Variants in TAPT1 observed in about 807,000 individuals in gnomAD.
TAPT1 encodes transmembrane anterior posterior transformation protein 1 homolog.
A neutral mutation model predicts 65.6 loss-of-function variants in TAPT1; 28 were observed. The observed-to-expected ratio is 0.43, with a 90% CI of 0.32 to 0.59. The LOEUF (loss-of-function observed/expected upper bound fraction) is 0.59, where lower values mean the gene tolerates loss of function less well. Among genes scored for constraint, TAPT1 ranks in the 20% least tolerant of loss-of-function variants. TAPT1 has a pLI of 0.09. For synonymous variants in TAPT1, 278 were observed against 245.2 expected (o/e 1.13, Z -1.25); for missense variants, 563 against 679.9 (o/e 0.83, Z 1.91).
chr4:16,174,031 A>G (rs953770567), intron 11 of TAPT1, among the ~76,000 whole-genome samples, 173 bp downstream of exon 11: 2 of 152,238 alleles, frequency 1.3e-5, no homozygotes, highest in Non-Finnish European at 1.5e-5. Flanking sequence ...CAACCAATAG[A>G]TATTTGGATA....
chr4:16,162,741 T>A lies in TAPT1; in HGVS notation c.*567A>T, dbSNP rs1015908477. On this transcript the variant is annotated 3_prime_UTR_variant, in exon 14 of 14. Transcript: ENST00000405303. ...CCCTACAAAATGCTACTATTCATCA[T>A]GTCTTATTTAAGGTAGCCTTTTATT... The A allele has an allele frequency of 2.9e-5, 5 of 172,610 alleles. No individual in the cohort carries two copies. The highest frequency in any genetic ancestry group is 1.2e-4 in the African/African-American group (5 of 41,818). The allele number at this position is 172,610 out of a possible 1,614,324, so 10.7% of individuals were successfully genotyped here. A position where few individuals can be genotyped will look rare whatever the true frequency, so the allele number is the denominator to read the frequency against.
At position 16,173,532 on chromosome 4, in the gene TAPT1, C is replaced by A. The variant is rs574060300; in HGVS notation, c.1236+672G>T. On this transcript the variant is annotated intron_variant, in intron 11 of 13. Coordinates refer to ENST00000405303, the MANE Select transcript of TAPT1 (RefSeq NM_153365.3). The stretch of plus-strand genomic sequence containing the variant: ...CTCCCAGGTTCACGCCATTCTCCTG[C>A]CTCAGCCTCCCGAGTAAAAAAAAAA... Among the ~76,000 whole-genome samples, 18 of 151,946 alleles carry A rather than the reference C, an allele frequency of 1.2e-4. 1 individual carries two copies. The East Asian group carries it at 3.3e-3, about 28-fold the overall frequency.
At chr4:16,224,951 A>G (rs1457498589) in intron 1 of TAPT1, among the ~76,000 whole-genome samples, 1 of 152,268 alleles carries the variant, frequency 6.6e-6, no homozygotes, top group Admixed American at 6.5e-5. Context: ...GCCTGGCTAC[A>G]TCTATCTCTA....
At chr4:16,166,991 C>A in intron 12 of TAPT1, 198 bp from the exon 13 acceptor site, 2 of 159,570 alleles carry the variant, frequency 1.3e-5, no homozygotes, top group African/African-American at 3.9e-5. Context: ...CCTTAGTTCT[C>A]TTTTTTTTTT....
chr4:16,220,552 C>T (rs1443626885), intron 1 of TAPT1, among the ~76,000 whole-genome samples: 1 of 151,918 alleles, frequency 6.6e-6, no homozygotes, highest in East Asian at 1.9e-4. Context: ...AGATGGAGAC[C>T]ATCCTGGCCA....
intron 9 of TAPT1, 54 bp from the exon 10 acceptor site, chr4:16,174,783 G>A: frequency 4.9e-6 from 6 of 1,228,298 alleles, no homozygotes; most frequent in Non-Finnish European, 6.7e-6. Flanking sequence ...TATATAATGT[G>A]GAAAGACTGC....
At chr4:16,204,674 G>A (rs75394324) in intron 2 of TAPT1, among the ~76,000 whole-genome samples, 8,045 of 152,312 alleles carry the variant, frequency 0.053, 238 homozygotes, top group Middle Eastern at 0.14. Context: ...CAGGTGCTGG[G>A]CTTGGGCCCT....
At chr4:16,226,000 C>T (rs1349618472) in intron 1 of TAPT1, 6 of 999,292 alleles carry the variant, frequency 6.0e-6, no homozygotes, top group Non-Finnish European at 6.0e-6. Context: ...ACTTTCCCGG[C>T]CGCAGACCCC....
intron 5 of TAPT1, among the ~76,000 whole-genome samples, chr4:16,187,603 A>G (rs1236899964): frequency 1.4e-5 from 2 of 146,858 alleles, no homozygotes; most frequent in Non-Finnish European, 3.0e-5. Flanking sequence ...ACAGAGATAG[A>G]AAAAAAAAAA....
chr4:16,185,136 T>C (rs1281669286), intron 7 of TAPT1, among the ~76,000 whole-genome samples: 2 of 152,030 alleles, frequency 1.3e-5, no homozygotes. Context: ...TTAATTTTCT[T>C]GGGCAGGGAA....
intron 1 of TAPT1, among the ~76,000 whole-genome samples, chr4:16,215,786 G>C (rs1422141260): frequency 6.6e-6 from 1 of 152,196 alleles, no homozygotes; most frequent in Non-Finnish European, 1.5e-5. Flanking sequence ...ACATAGAGTA[G>C]AACTTCTGGT....
rs1459354542 is a variant in TAPT1, at chr4:16,162,431, T to G, written c.*877A>C. 1 of 152,772 alleles carries G rather than the reference T, an allele frequency of 6.5e-6. No homozygotes were observed. Among genetic ancestry groups the G allele is most frequent in the South Asian group, 2.1e-4 (1 of 4,836 alleles). 9.5% of individuals were successfully genotyped at this position (152,772 alleles called of 1,614,324 possible). ...TTGAATTTTGTACATTGACAATTTT[T>G]CAGCCTGTTCAACATCGAATCCTTT... On this transcript the variant is annotated 3_prime_UTR_variant, in exon 14 of 14. Transcript: ENST00000405303.
chr4:16,188,392 A>T (rs754807051), intron 4 of TAPT1, 37 bp from the exon 5 acceptor site: 1 of 1,459,766 alleles, frequency 6.9e-7, no homozygotes, highest in South Asian at 1.4e-5. Context: ...GTTTCTTAAT[A>T]TTCCATTTAA....
chr4:16,211,900 A>G (rs900888453), intron 2 of TAPT1, among the ~76,000 whole-genome samples: 51 of 152,212 alleles, frequency 3.4e-4, no homozygotes, highest in African/African-American at 1.2e-3. Flanking sequence ...AGTATAAGCT[A>G]TTTTCTCCAG....
chr4:16,226,068 C>A (rs1751534774), intron 1 of TAPT1, 191 bp downstream of exon 1: 3 of 1,019,186 alleles, frequency 2.9e-6, no homozygotes, highest in Non-Finnish European at 3.5e-6. Flanking sequence ...CGCGCGCAAC[C>A]CGCCCGAGGA....
In TAPT1 at chr4:16,217,518, G is replaced by A. The variant is rs574551144; in HGVS notation, c.200-3620C>T. 7.9e-5 allele frequency among the ~76,000 whole-genome samples: 12 copies of A among 152,312 alleles called. 1 individual carries two copies. The East Asian group carries it at 2.3e-3, about 29-fold the overall frequency. ...GGAAGTGATGTGAACAGCAAACTGAGCTAAACTTTCATGTGGGTGATTTGT... is the reference window on the plus strand; with the variant it reads ...GGAAGTGATGTGAACAGCAAACTGAACTAAACTTTCATGTGGGTGATTTGT... On this transcript the variant is annotated intron_variant, in intron 1 of 13. Transcript: ENST00000405303.
chr4:16,202,643 T>C, intron 2 of TAPT1, 63 bp from the exon 3 acceptor site: 1 of 881,688 alleles, frequency 1.1e-6, no homozygotes. Flanking sequence ...TAGATGAAAA[T>C]TCCAAACAAC....
chr4:16,191,345 T>A lies in TAPT1; in HGVS notation c.612+16A>T, dbSNP rs1199650596. On this transcript the variant is annotated intron_variant, in intron 4 of 13. Transcript: ENST00000405303. ...GTGCCCTGGCCAGGCCTGTGCGGGGTAAGCAAGGCCCTTACCTCCAGCATG... is the reference window on the plus strand; with the variant it reads ...GTGCCCTGGCCAGGCCTGTGCGGGGAAAGCAAGGCCCTTACCTCCAGCATG... 6.3e-7 allele frequency: 1 copy of A among 1,590,140 alleles called. No individual in the cohort carries two copies. Among genetic ancestry groups the A allele is most frequent in the South Asian group, 1.2e-5 (1 of 86,742 alleles).
At chr4:16,188,396 C>T (rs1455346317) in intron 4 of TAPT1, 41 bp from the exon 5 acceptor site, 6 of 1,427,110 alleles carry the variant, frequency 4.2e-6, no homozygotes, top group Non-Finnish European at 3.7e-6. Flanking sequence ...CTTAATATTC[C>T]ATTTAAATAT....
Sources: allele counts gnomAD v4.1 joint callset (sites outside exome capture counted in the v4.1 genomes callset), GRCh38; gene constraint gnomAD v4.1.1; transcripts MANE v1.5; gene names NCBI Gene and HGNC (gene_info 2026-07-23, HGNC 2026-07-21).